GUCD1: variants seen among roughly 807,000 people sequenced by gnomAD.
GUCD1 encodes protein GUCD1.
A neutral mutation model predicts 28.3 loss-of-function variants in GUCD1; 17 were observed. The ratio of observed to expected loss-of-function variants is 0.60; its 90% confidence interval spans 0.41 to 0.90. The LOEUF is 0.90. GUCD1 is among the 40% of genes least tolerant of loss of function. GUCD1 has a pLI of 0.00. For synonymous variants in GUCD1, 129 were observed against 123.3 expected, an observed-to-expected ratio of 1.05 and a Z score of -0.30; for missense variants, 279 against 305.5, an observed-to-expected ratio of 0.91 and a Z score of 0.65.
chr22:24,546,784 C>A, intron 4 of GUCD1, 130 bp downstream of exon 4: 1 of 780,330 alleles, frequency 1.3e-6, no homozygotes, highest in Admixed American at 2.1e-5. Context: ...CCACAGCCAC[C>A]CGGGTAGCCA....
chr22:24,555,410 G>T, upstream of GUCD1: 2 of 1,210,222 alleles, frequency 1.7e-6, no homozygotes, highest in South Asian at 1.7e-5. Context: ...ATAGAGGCTC[G>T]TCCCTTCGGC....
At chr22:24,554,459 C>T (rs1359017256) in intron 1 of GUCD1, among the ~76,000 whole-genome samples, 1 of 152,242 alleles carries the variant, frequency 6.6e-6, no homozygotes, top group Non-Finnish European at 1.5e-5. Flanking sequence ...TCACGTCTTC[C>T]CCCTCCCCTA....
chr22:24,553,970 A>G (rs1406029384), intron 1 of GUCD1, among the ~76,000 whole-genome samples: 1 of 152,258 alleles, frequency 6.6e-6, no homozygotes, highest in Non-Finnish European at 1.5e-5. Flanking sequence ...GGCTGCCTGG[A>G]AGGCCCTGGC....
Position 24,547,993 on chromosome 22 carries a change from T to G in GUCD1, c.209A>C (p.Asp70Ala). 1.9e-6 allele frequency: 3 copies of G among 1,614,040 alleles called. No homozygotes were observed. The highest frequency in any genetic ancestry group is 2.5e-6 in the Non-Finnish European group (3 of 1,179,948). The change falls in exon 3 of 6, where the codon GAC becomes GCC. Residue 70 changes from aspartate to alanine, a missense_variant. Asp to Ala is a moderately radical substitution (Grantham distance 126). Coordinates refer to ENST00000435822, the MANE Select transcript of GUCD1 (RefSeq NM_001284254.2). ...LQLTRSIWTI[D>A]LAYLMHHFGV... ...AAAGTGGTGCATCAGGTAGGCCAGG[T>G]CGATGGTCCAGATGCTCCTGGTCAG...
intron 3 of GUCD1, chr22:24,547,538 A>T (rs1402828755): frequency 1.8e-5 from 4 of 221,174 alleles, no homozygotes; most frequent in African/African-American, 9.0e-5. Context: ...AAAGTAAAAA[A>T]ATGTGCAAAT....
upstream of GUCD1, chr22:24,555,171 G>A (rs948801307): frequency 2.3e-6 from 3 of 1,296,586 alleles, no homozygotes; most frequent in Non-Finnish European, 2.9e-6. Flanking sequence ...AGCCCTTCCA[G>A]GTCTCGAATC....
At position 24,544,059 on chromosome 22, in the gene GUCD1, C is replaced by T; in HGVS notation, c.411G>A (p.Gln137=). ...EKCTVSVKDI[Q]AHLAQGHVAI... is the part of the protein sequence containing the mutation. Reference sequence around the variant, plus strand: ...CCACATGGCCCTGAGCCAGGTGCGCCTGGATGTCCTTCACACTCACTGTGC... The same window carrying T: ...CCACATGGCCCTGAGCCAGGTGCGCTTGGATGTCCTTCACACTCACTGTGC... Residue 137 remains glutamine (Q), a synonymous_variant, in exon 5 of 6, where the codon CAG becomes CAA. Coordinates refer to ENST00000435822, the MANE Select transcript of GUCD1 (RefSeq NM_001284254.2). The T allele has an allele frequency of 1.2e-6, 2 of 1,611,902 alleles. No homozygotes were observed. Among genetic ancestry groups the T allele is most frequent in the Non-Finnish European group, 8.5e-7 (1 of 1,178,520 alleles).
chr22:24,546,573 C>T (rs2044733312), intron 4 of GUCD1, among the ~76,000 whole-genome samples: 1 of 152,208 alleles, frequency 6.6e-6, no homozygotes, highest in Admixed American at 6.5e-5. Context: ...CCAGCACATT[C>T]CTCTTAGGCC....
chr22:24,543,196 C>T, intron 5 of GUCD1, 99 bp from the exon 6 acceptor site: 2 of 841,072 alleles, frequency 2.4e-6, no homozygotes, highest in Middle Eastern at 2.7e-4. Flanking sequence ...GGTCTGTTTC[C>T]CATCCACATG....
chr22:24,555,508 A>G, upstream of GUCD1: 2 of 1,329,708 alleles, frequency 1.5e-6, no homozygotes. Context: ...GCCCCAAGCA[A>G]CTCTCCTCCA....
chr22:24,555,056 G>C lies in GUCD1; in HGVS notation c.-65C>G. ...GCGGGCTACAGCTTCCGCTTCGGCT[G>C]GGGCGGGAGGGCGGTCGGTGCGTGT... On this transcript the variant is annotated 5_prime_UTR_variant, in exon 1 of 6. Coordinates refer to ENST00000435822, the MANE Select transcript of GUCD1 (RefSeq NM_001284254.2). 1 of 1,359,758 alleles carries C rather than the reference G, an allele frequency of 7.4e-7. No homozygotes were observed. Among genetic ancestry groups the C allele is most frequent in the East Asian group, 3.0e-5 (1 of 33,618 alleles). 84.2% of individuals were successfully genotyped at this position (1,359,758 alleles called of 1,614,324 possible).
At chr22:24,548,115 G>A (rs1376887057) in intron 2 of GUCD1, 42 bp from the exon 3 acceptor site, 10 of 1,573,424 alleles carry the variant, frequency 6.4e-6, no homozygotes, top group Non-Finnish European at 8.7e-6. Flanking sequence ...GGTCTTGAGG[G>A]TCAACTGGTC....
chr22:24,546,185 T>G (rs535286116), intron 4 of GUCD1, among the ~76,000 whole-genome samples: 8 of 151,666 alleles, frequency 5.3e-5, no homozygotes, highest in African/African-American at 1.9e-4. Flanking sequence ...ATGGTCTCGA[T>G]CTCCTGACCT....
At chr22:24,544,200 C>T in intron 4 of GUCD1, 117 bp from the exon 5 acceptor site, 3 of 1,435,176 alleles carry the variant, frequency 2.1e-6, no homozygotes, top group Non-Finnish European at 2.8e-6. Flanking sequence ...CTCCTTTTCC[C>T]TTTGCCCTGA....
chr22:24,553,540 C>T (rs2044939390), intron 1 of GUCD1, among the ~76,000 whole-genome samples: 1 of 152,214 alleles, frequency 6.6e-6, no homozygotes, highest in East Asian at 1.9e-4. Flanking sequence ...CCCAGGCCTA[C>T]TTGTCACTTC....
chr22:24,547,327 G>A (rs888796742), intron 3 of GUCD1: 5 of 313,490 alleles, frequency 1.6e-5, no homozygotes, highest in East Asian at 6.8e-5. Context: ...AGCCCGTAGC[G>A]AATAAGCAAG....
rs1348668272 is a variant in GUCD1, at chr22:24,542,504, A to G, written c.*502T>C. 3 of 153,864 alleles carry G rather than the reference A, an allele frequency of 1.9e-5. No individual in the cohort carries two copies. The highest frequency in any genetic ancestry group is 7.2e-5 in the African/African-American group (3 of 41,430). 9.5% of individuals were successfully genotyped at this position (153,864 alleles called of 1,614,324 possible). ...TAGGCAGGTGGTGGTGGTATCATCA[A>G]CCACTGGGCACAGGGGCATATGCAG... On this transcript the variant is annotated 3_prime_UTR_variant, in exon 6 of 6. Coordinates refer to ENST00000435822, the MANE Select transcript of GUCD1 (RefSeq NM_001284254.2).
At chr22:24,553,190 C>T (rs2044929288) in intron 1 of GUCD1, among the ~76,000 whole-genome samples, 1 of 152,218 alleles carries the variant, frequency 6.6e-6, no homozygotes, top group Admixed American at 6.5e-5. Flanking sequence ...GTTTCCTCCC[C>T]AGCTTTTGCT....
At chr22:24,548,401 A>G (rs894018791) in intron 2 of GUCD1, among the ~76,000 whole-genome samples, 1 of 152,216 alleles carries the variant, frequency 6.6e-6, no homozygotes, top group African/African-American at 2.4e-5. Flanking sequence ...TCAAAGTTTT[A>G]GGCAAAGAAC....
Sources: gnomAD v4.1 joint callset for allele counts (sites outside exome capture counted in the v4.1 genomes callset) on GRCh38, gnomAD v4.1.1 for gene constraint, MANE v1.5 for transcripts, NCBI Gene and HGNC (gene_info 2026-07-23, HGNC 2026-07-21) for gene names.